SLC2A9: variants seen among roughly 807,000 people sequenced by gnomAD.
SLC2A9 encodes solute carrier family 2 member 9.
In SLC2A9, 39 loss-of-function variants were observed where a neutral mutation model predicts 50.6. The ratio of observed to expected loss-of-function variants is 0.77; its 90% CI spans 0.60 to 1.01. The LOEUF (loss-of-function observed/expected upper bound fraction) is 1.01. Among genes scored for constraint, SLC2A9 ranks in the 50% least tolerant of loss-of-function variants. SLC2A9 has a pLI of 0.00. For synonymous variants in SLC2A9, 324 were observed against 276.9 expected (o/e 1.17, Z -1.69); for missense variants, 686 against 677.6 (o/e 1.01, Z -0.14).
intron 11 of SLC2A9, among the ~76,000 whole-genome samples, chr4:9,830,155 C>G (rs1480331161): frequency 3.9e-5 from 6 of 152,196 alleles, no homozygotes; most frequent in Non-Finnish European, 7.3e-5. Flanking sequence ...AAATGTGGCA[C>G]ATATACACCA....
chr4:9,778,888 T>G (rs1233982224), downstream of SLC2A9, among the ~76,000 whole-genome samples: 1 of 151,796 alleles, frequency 6.6e-6, no homozygotes, highest in Non-Finnish European at 1.5e-5. Flanking sequence ...GGTGCGATCT[T>G]GGCTCACTGC....
At chr4:9,887,538 G>A (rs910789506) in intron 10 of SLC2A9, 29 bp downstream of exon 10, 26 of 1,543,124 alleles carry the variant, frequency 1.7e-5, no homozygotes, top group Non-Finnish European at 2.3e-5. Context: ...GTCCCTGGGC[G>A]GGGCAGTGGG....
At chr4:10,033,282 C>T (rs1360807409) in intron 1 of SLC2A9, among the ~76,000 whole-genome samples, 1 of 152,272 alleles carries the variant, frequency 6.6e-6, no homozygotes, top group South Asian at 2.1e-4. Context: ...TCTATCAGCC[C>T]GGCTGCTTCC....
chr4:9,789,127 A>T (rs769568253), intron 3 of SLC2A9, among the ~76,000 whole-genome samples: 1 of 152,204 alleles, frequency 6.6e-6, no homozygotes, highest in African/African-American at 2.4e-5. Context: ...TCATTTTGAT[A>T]TCTAGCAGAA....
intron 2 of SLC2A9, among the ~76,000 whole-genome samples, chr4:10,010,771 T>C (rs1434942373): frequency 6.6e-6 from 1 of 152,220 alleles, no homozygotes; most frequent in Non-Finnish European, 1.5e-5. Context: ...CCCTGAACTG[T>C]CCCGCCCACC....
chr4:9,902,944 G>C (rs143173662), intron 8 of SLC2A9, among the ~76,000 whole-genome samples: 1 of 152,284 alleles, frequency 6.6e-6, no homozygotes, highest in Non-Finnish European at 1.5e-5. Flanking sequence ...CAAGCACTGT[G>C]AATTACAGTA....
intron 8 of SLC2A9, among the ~76,000 whole-genome samples, chr4:9,901,989 C>A (rs1012064896): frequency 6.6e-6 from 1 of 152,164 alleles, no homozygotes; most frequent in African/African-American, 2.4e-5. Context: ...GGTGGCGTAC[C>A]CACCCTACAT....
intron 8 of SLC2A9, 77 bp from the exon 9 acceptor site, chr4:9,890,788 C>T (rs560270765): frequency 4.7e-5 from 61 of 1,291,372 alleles, no homozygotes; most frequent in Admixed American, 2.8e-4. Context: ...CACTGGGAAC[C>T]GGCAATGGCA....
chr4:9,997,155 T>C (rs752805170), intron 2 of SLC2A9, among the ~76,000 whole-genome samples: 5 of 149,296 alleles, frequency 3.3e-5, no homozygotes, highest in Non-Finnish European at 5.9e-5. Flanking sequence ...ATTTTTTTTC[T>C]TTTATGGCTA....
chr4:9,877,882 C>T (rs768207793), intron 10 of SLC2A9, among the ~76,000 whole-genome samples: 1 of 152,214 alleles, frequency 6.6e-6, no homozygotes, highest in African/African-American at 2.4e-5. Flanking sequence ...TTGGGGCACA[C>T]CTGCTGTGTG....
chr4:9,858,383 C>T (rs980529778), intron 10 of SLC2A9, among the ~76,000 whole-genome samples: 2 of 152,174 alleles, frequency 1.3e-5, no homozygotes, highest in Non-Finnish European at 2.9e-5. Flanking sequence ...CTGATGTTTC[C>T]ATGCATGCAC....
chr4:9,937,549 C>A (rs147456265), intron 6 of SLC2A9, among the ~76,000 whole-genome samples: 66 of 152,328 alleles, frequency 4.3e-4, no homozygotes, highest in African/African-American at 1.5e-3. Context: ...TGACTGCCAG[C>A]AGAGACCGAG....
chr4:9,849,007 T>C (rs143072807), intron 10 of SLC2A9, among the ~76,000 whole-genome samples: 50 of 152,268 alleles, frequency 3.3e-4, no homozygotes, highest in Non-Finnish European at 6.5e-4. Context: ...TGGCCAGAAA[T>C]TCTTTATGCA....
intron 3 of SLC2A9, among the ~76,000 whole-genome samples, chr4:9,994,473 C>A (rs1234125605): frequency 6.6e-6 from 1 of 151,850 alleles, no homozygotes; most frequent in African/African-American, 2.4e-5. Context: ...TTGATCTGAT[C>A]TTTTTCTGCA....
intron 5 of SLC2A9, among the ~76,000 whole-genome samples, chr4:9,970,307 G>A (rs1753691373): frequency 6.6e-6 from 1 of 152,210 alleles, no homozygotes; most frequent in South Asian, 2.1e-4. Flanking sequence ...GAGCCTTGCA[G>A]AAGTCAGCCA....
rs1726312573 is a variant in SLC2A9 at position 9,832,375 on chromosome 4, A to C, written c.1419+2506T>G. Among the ~76,000 whole-genome samples the C allele has an allele frequency of 2.0e-5, 3 of 152,280 alleles. 1 individual carries two copies. The highest frequency in any genetic ancestry group is 3.9e-4 in the East Asian group (2 of 5,172). On this transcript the variant is annotated intron_variant, in intron 11 of 11. Coordinates refer to ENST00000264784, the MANE Select transcript of SLC2A9 (RefSeq NM_020041.3). ...AAGCTCCTCTCCGGAAAGGAAATTA[A>C]CCGTGGGTGCCTTCCCAGGCTTGGG...
chr4:9,976,469 T>C (rs1021449238), intron 5 of SLC2A9, among the ~76,000 whole-genome samples: 6 of 152,248 alleles, frequency 3.9e-5, no homozygotes, highest in African/African-American at 1.4e-4. Context: ...TTCACTTGGC[T>C]GGAACACTGC....
intron 1 of SLC2A9, among the ~76,000 whole-genome samples, chr4:10,020,469 A>G (rs1350827544): frequency 1.3e-5 from 2 of 152,178 alleles, no homozygotes; most frequent in East Asian, 3.9e-4. Context: ...CGGGGGCAAG[A>G]GGGAACATTT....
At chr4:9,985,115 C>T (rs1479761236) in intron 4 of SLC2A9, among the ~76,000 whole-genome samples, 3 of 152,182 alleles carry the variant, frequency 2.0e-5, no homozygotes. Flanking sequence ...ACAGCCCTCA[C>T]CACCCTCCTG....
Sources: gnomAD v4.1 joint callset for allele counts (sites outside exome capture counted in the v4.1 genomes callset) on GRCh38, gnomAD v4.1.1 for gene constraint, MANE v1.5 for transcripts, NCBI Gene and HGNC (gene_info 2026-07-23, HGNC 2026-07-21) for gene names.